Variants in PTN observed in about 807,000 individuals in gnomAD.
PTN encodes the protein heparin affin regulatory protein.
Under a neutral mutation model 24.1 loss-of-function variants are expected in PTN, and 18 were observed. The ratio of observed to expected loss-of-function variants is 0.75; its 90% CI spans 0.52 to 1.11. The LOEUF (loss-of-function observed/expected upper bound fraction) is 1.11. PTN is among the 50% of genes least tolerant of loss of function. PTN has a pLI of 0.00. For missense variants in PTN, 163 were observed against 198.8 expected, an observed-to-expected ratio of 0.82 and a Z score of 1.08; for synonymous variants, 78 against 68.6, an observed-to-expected ratio of 1.14 and a Z score of -0.67.
intron 1 of PTN, among the ~76,000 whole-genome samples, chr7:137,262,990 G>T (rs192525540): frequency 3.9e-5 from 6 of 151,994 alleles, no homozygotes; most frequent in Non-Finnish European, 5.9e-5. Flanking sequence ...GGTCTCTCTC[G>T]TCCCTCATTT....
intron 1 of PTN, among the ~76,000 whole-genome samples, chr7:137,290,527 G>C (rs999545231): frequency 7.2e-5 from 11 of 151,908 alleles, no homozygotes; most frequent in African/African-American, 2.7e-4. Context: ...AATAAATAAT[G>C]GTTATATTAA....
At chr7:137,318,575 A>T (rs969411411) in intron 1 of PTN, 1 of 152,236 alleles carries the variant, frequency 6.6e-6, no homozygotes, top group African/African-American at 2.4e-5. Flanking sequence ...GGACTTTGAA[A>T]GATGAGACAA....
At chr7:137,312,113 G>A (rs1347763288) in intron 1 of PTN, among the ~76,000 whole-genome samples, 1 of 152,182 alleles carries the variant, frequency 6.6e-6, no homozygotes, top group African/African-American at 2.4e-5. Context: ...AAACCTACCT[G>A]ACACTGCCAA....
At chr7:137,278,524 A>C (rs188722277) in intron 1 of PTN, among the ~76,000 whole-genome samples, 31 of 152,286 alleles carry the variant, frequency 2.0e-4, no homozygotes, top group Non-Finnish European at 4.3e-4. Flanking sequence ...GTATTAGTCA[A>C]TTTAGACTTC....
chr7:137,329,546 C>T (rs1810316030), intron 1 of PTN, among the ~76,000 whole-genome samples: 1 of 152,056 alleles, frequency 6.6e-6, no homozygotes, highest in South Asian at 2.1e-4. Flanking sequence ...GATGAGGGAA[C>T]CATCATCTAA....
intron 4 of PTN, chr7:137,236,048 TAGA>T: frequency 4.8e-6 from 3 of 621,162 alleles, no homozygotes; most frequent in Non-Finnish European, 8.6e-6. Flanking sequence ...GTAGATTTAA[TAGA>T]AGGTTTAGTG....
chr7:137,307,604 T>C (rs1809910251), intron 1 of PTN, among the ~76,000 whole-genome samples: 2 of 152,152 alleles, frequency 1.3e-5, no homozygotes, highest in South Asian at 2.1e-4. Flanking sequence ...TATGACTATA[T>C]ATATATATGT....
intron 1 of PTN, among the ~76,000 whole-genome samples, chr7:137,284,431 A>C (rs2128876479): frequency 6.6e-6 from 1 of 152,112 alleles, no homozygotes. Context: ...GCTCCCACTC[A>C]CTGACCTCTC....
At chr7:137,243,139 G>A (rs998194244) in intron 4 of PTN, among the ~76,000 whole-genome samples, 5 of 152,126 alleles carry the variant, frequency 3.3e-5, no homozygotes, top group Non-Finnish European at 7.3e-5. Flanking sequence ...GTTTCACCAT[G>A]TTGGCCAGGA....
Position 137,251,225 on chromosome 7 carries a change from C to G in PTN, c.451+5G>C. On this transcript the variant is annotated splice_donor_5th_base_variant and intron_variant, in intron 4 of 4. Transcript: ENST00000348225. ...TAAAATTGTGGTATAATGGCAAGGA[C>G]TTACCTTGAGGTTTGGGCTTGGTCA... The G allele has an allele frequency of 6.2e-7, 1 of 1,613,876 alleles. No homozygotes were observed. Among genetic ancestry groups the G allele is most frequent in the Non-Finnish European group, 8.5e-7 (1 of 1,179,818 alleles).
intron 1 of PTN, among the ~76,000 whole-genome samples, chr7:137,292,306 T>G (rs529695857): frequency 4.1e-4 from 62 of 152,318 alleles, no homozygotes; most frequent in African/African-American, 1.4e-3. Flanking sequence ...GATTTGGCTC[T>G]GTGTCCCCAC....
intron 1 of PTN, among the ~76,000 whole-genome samples, chr7:137,268,556 G>A (rs970298119): frequency 2.0e-5 from 3 of 152,210 alleles, no homozygotes; most frequent in Admixed American, 1.3e-4. Flanking sequence ...CGTGATAGGG[G>A]CTGTGAGCAC....
At chr7:137,300,268 C>G (rs563409949) in intron 1 of PTN, among the ~76,000 whole-genome samples, 2 of 151,840 alleles carry the variant, frequency 1.3e-5, no homozygotes, top group Non-Finnish European at 2.9e-5. Context: ...ATTCTAGCAG[C>G]GTAATTTGAG....
intron 4 of PTN, among the ~76,000 whole-genome samples, chr7:137,247,489 G>A (rs1001896614): frequency 2.2e-4 from 33 of 152,264 alleles, no homozygotes; most frequent in African/African-American, 7.2e-4. Flanking sequence ...GACATAGAGA[G>A]TAGAAGGATG....
In PTN at chr7:137,236,226, T is replaced by C. The variant is rs1808518726; in HGVS notation, c.452-8151A>G. 3 of 702,416 alleles carry C rather than the reference T, an allele frequency of 4.3e-6. 1 individual carries two copies. The South Asian group carries it at 4.4e-5, about 10-fold the overall frequency. 43.5% of individuals were successfully genotyped at this position (702,416 alleles called of 1,614,324 possible). ...TTCTCAAACTCTCCCCACTCCTGTG[T>C]CTCCATTTTCCCTTCTCTATAAGAA... On this transcript the variant is annotated intron_variant, in intron 4 of 4. Coordinates refer to ENST00000348225, the MANE Select transcript of PTN (RefSeq NM_002825.7).
At chr7:137,335,980 C>T (rs67907798) in intron 1 of PTN, among the ~76,000 whole-genome samples, 14,866 of 149,204 alleles carry the variant, frequency 0.1, 884 homozygotes, top group Middle Eastern at 0.13. Flanking sequence ...ATTCCTGTCG[C>T]ACATCTTACC....
At chr7:137,330,462 C>T (rs1010860163) in intron 1 of PTN, among the ~76,000 whole-genome samples, 7 of 152,160 alleles carry the variant, frequency 4.6e-5, no homozygotes, top group Admixed American at 4.6e-4. Flanking sequence ...AGCCAGCCCC[C>T]AAATCTAGAA....
chr7:137,265,470 G>A (rs539939249), intron 1 of PTN, among the ~76,000 whole-genome samples: 31 of 152,290 alleles, frequency 2.0e-4, no homozygotes, highest in African/African-American at 3.1e-4. Flanking sequence ...TAAGCTCATC[G>A]CATCCCTTCA....
At chr7:137,314,650 C>CA (rs59047128) in intron 1 of PTN, among the ~76,000 whole-genome samples, 150,125 of 150,126 alleles carry the variant, frequency 1, 75,062 homozygotes, top group Non-Finnish European at 1. Flanking sequence ...TGAAATCCAG[C>CA]ATGGTGTGAT....
Sources: allele counts gnomAD v4.1 joint callset (sites outside exome capture counted in the v4.1 genomes callset), GRCh38; gene constraint gnomAD v4.1.1; transcripts MANE v1.5; gene names NCBI Gene and HGNC (gene_info 2026-07-23, HGNC 2026-07-21).